The following OPCML variants were observed in gnomAD, a reference collection of about 807,000 sequenced individuals.
The protein encoded by OPCML is opioid-binding protein/cell adhesion molecule.
Under a neutral mutation model 37.8 loss-of-function variants are expected in OPCML, and 13 were observed. The observed-to-expected ratio is 0.34, with a 90% confidence interval of 0.22 to 0.55. The LOEUF (loss-of-function observed/expected upper bound fraction) is 0.55, where lower values mean the gene tolerates loss of function less well. OPCML is among the 20% of genes least tolerant of loss of function. OPCML has a pLI of 0.91. For synonymous variants in OPCML, 176 were observed against 168.8 expected, an observed-to-expected ratio of 1.04 and a Z score of -0.33; for missense variants, 341 against 435.6, an observed-to-expected ratio of 0.78 and a Z score of 1.93.
chr11:132,766,101 A>AAG (rs1286848003), intron 2 of OPCML, among the ~76,000 whole-genome samples: 2 of 149,736 alleles, frequency 1.3e-5, no homozygotes, highest in African/African-American at 5.0e-5. Context: ...TTATAATTTA[A>AAG]AAAAAAAAAA....
intron 1 of OPCML, among the ~76,000 whole-genome samples, chr11:132,950,598 T>C (rs1247800667): frequency 6.6e-6 from 1 of 152,192 alleles, no homozygotes; most frequent in Non-Finnish European, 1.5e-5. Flanking sequence ...CTGAGGGTGA[T>C]GCTACTGTCT....
At chr11:132,888,354 G>A (rs1943502797) in intron 2 of OPCML, among the ~76,000 whole-genome samples, 1 of 152,136 alleles carries the variant, frequency 6.6e-6, no homozygotes, top group Non-Finnish European at 1.5e-5. Context: ...TTCCTCTAGA[G>A]ATCAGAGGCT....
intron 3 of OPCML, among the ~76,000 whole-genome samples, chr11:132,605,674 A>G (rs1049879388): frequency 6.6e-6 from 1 of 152,180 alleles, no homozygotes; most frequent in Non-Finnish European, 1.5e-5. Context: ...AACTTAGTCT[A>G]GTGTCAAGGA....
intron 2 of OPCML, among the ~76,000 whole-genome samples, chr11:132,898,705 A>T (rs1434222653): frequency 6.6e-6 from 1 of 152,068 alleles, no homozygotes; most frequent in Non-Finnish European, 1.5e-5. Context: ...ACCCCTAGTG[A>T]CCCACTAGCA....
chr11:133,065,160 G>C (rs1247655062), intron 1 of OPCML: 1 of 152,436 alleles, frequency 6.6e-6, no homozygotes, highest in Non-Finnish European at 1.5e-5. Flanking sequence ...CAGGAGGAAG[G>C]CGGCCCAGAG....
At chr11:132,839,365 C>T (rs992495874) in intron 2 of OPCML, among the ~76,000 whole-genome samples, 1 of 152,162 alleles carries the variant, frequency 6.6e-6, no homozygotes, top group Admixed American at 6.5e-5. Flanking sequence ...TGGTGAAGAT[C>T]GGAACCGCAA....
At chr11:133,477,615 C>T (rs752124113) in intron 1 of OPCML, among the ~76,000 whole-genome samples, 14 of 152,060 alleles carry the variant, frequency 9.2e-5, no homozygotes, top group Non-Finnish European at 1.6e-4. Flanking sequence ...TCCACAGTAA[C>T]GCAACTGTAA....
At chr11:132,809,209 G>C (rs565765599) in intron 2 of OPCML, among the ~76,000 whole-genome samples, 125 of 152,344 alleles carry the variant, frequency 8.2e-4, no homozygotes, top group African/African-American at 2.8e-3. Context: ...CTAAGAAGCA[G>C]CATACGTGGC....
chr11:133,125,268 G>A (rs1949483138), intron 1 of OPCML, among the ~76,000 whole-genome samples: 1 of 152,078 alleles, frequency 6.6e-6, no homozygotes, highest in Non-Finnish European at 1.5e-5. Flanking sequence ...CCTGGATTCA[G>A]TTGTGGTTAA....
chr11:133,141,909 T>G (rs1949829331), intron 1 of OPCML, among the ~76,000 whole-genome samples: 1 of 152,208 alleles, frequency 6.6e-6, no homozygotes, highest in East Asian at 1.9e-4. Context: ...CCATCTTTCC[T>G]TTCATTCTCA....
intron 1 of OPCML, among the ~76,000 whole-genome samples, chr11:133,458,785 A>ATAGATGCACGTGTGTGTGTATATACACG (rs1946783135): frequency 3.3e-5 from 5 of 149,692 alleles, no homozygotes; most frequent in African/African-American, 1.2e-4. Context: ...GTATATACAC[A>ATAGATGCACGTGTGTGTGTATATACACG]TAGATGCACG....
At chr11:133,192,970 TG>T (rs2136304917) in intron 1 of OPCML, among the ~76,000 whole-genome samples, 1 of 152,228 alleles carries the variant, frequency 6.6e-6, no homozygotes, top group South Asian at 2.1e-4. Flanking sequence ...GCAGATTTTT[TG>T]GCTGTAGGTT....
intron 4 of OPCML, among the ~76,000 whole-genome samples, chr11:132,491,897 T>C (rs137938499): frequency 1.5e-4 from 22 of 151,642 alleles, no homozygotes; most frequent in African/African-American, 5.3e-4. Flanking sequence ...CTTGGAGATA[T>C]TGTAGGTGGG....
chr11:132,742,633 C>T (rs1945468590), intron 2 of OPCML, among the ~76,000 whole-genome samples: 1 of 151,606 alleles, frequency 6.6e-6, no homozygotes, highest in Admixed American at 6.6e-5. Flanking sequence ...CCATGCCAAC[C>T]AAGACACTAC....
At chr11:133,008,116 T>C (rs902810578) in intron 1 of OPCML, 45 of 985,304 alleles carry the variant, frequency 4.6e-5, no homozygotes, top group Non-Finnish European at 5.4e-5. Context: ...CTATGGATCT[T>C]CAGTTCTCCA....
intron 2 of OPCML, among the ~76,000 whole-genome samples, chr11:132,758,643 T>C (rs924281939): frequency 1.3e-5 from 2 of 152,262 alleles, no homozygotes; most frequent in African/African-American, 4.8e-5. Flanking sequence ...TTTTTGCACA[T>C]TGATTTTGTA....
intron 4 of OPCML, among the ~76,000 whole-genome samples, chr11:132,461,023 G>A (rs1465720392): frequency 1.3e-5 from 2 of 152,178 alleles, no homozygotes; most frequent in African/African-American, 4.8e-5. Context: ...ATGGGCAGTA[G>A]GGCTGAGTGA....
intron 1 of OPCML, among the ~76,000 whole-genome samples, chr11:133,279,323 A>T (rs780994615): frequency 6.6e-6 from 1 of 152,252 alleles, no homozygotes; most frequent in Non-Finnish European, 1.5e-5. Flanking sequence ...TATTCATGCT[A>T]CAAAATGCCT....
chr11:132,576,659 C>G lies in OPCML; in HGVS notation c.380-47473G>C, dbSNP rs143686550. On this transcript the variant is annotated intron_variant, in intron 3 of 7. Coordinates refer to ENST00000524381, the MANE Select transcript of OPCML (RefSeq NM_001012393.5). The stretch of plus-strand genomic sequence containing the variant: ...TATTTTGTTCCTTTATTTGGGACAT[C>G]TTTGCCTGATTCTTCATTTTCCTTG... 3.5e-3 allele frequency among the ~76,000 whole-genome samples: 526 copies of G among 152,212 alleles called. 2 individuals carry two copies. Among genetic ancestry groups the G allele is most frequent in the Non-Finnish European group, 5.8e-3 (394 of 68,016 alleles).
Sources: gnomAD v4.1 joint callset for allele counts (sites outside exome capture counted in the v4.1 genomes callset) on GRCh38, gnomAD v4.1.1 for gene constraint, MANE v1.5 for transcripts, NCBI Gene and HGNC (gene_info 2026-07-23, HGNC 2026-07-21) for gene names.